Variants in MYO18B observed in about 807,000 individuals in gnomAD.
The protein encoded by MYO18B is myosin XVIIIB.
A neutral mutation model predicts 273.0 loss-of-function variants in MYO18B; 204 were observed. That is an observed-to-expected ratio of 0.75 (90% confidence interval 0.67 to 0.84). The LOEUF (loss-of-function observed/expected upper bound fraction) is 0.84, where lower values mean the gene tolerates loss of function less well. Among genes scored for constraint, MYO18B ranks in the 40% least tolerant of loss-of-function variants. The pLI is 0.00. For missense variants in MYO18B, 3,212 were observed against 3,287.6 expected, an observed-to-expected ratio of 0.98 and a Z score of 0.56; for synonymous variants, 1,330 against 1,305.7, an observed-to-expected ratio of 1.02 and a Z score of -0.40.
At chr22:26,061,045 A>T in the MYO18B span, among the ~76,000 whole-genome samples, 1 of 152,062 alleles carries the variant, frequency 6.6e-6, no homozygotes, top group African/African-American at 2.4e-5. Context: ...CAGCATCTCC[A>T]GTGGCAACTG....
intron 33 of MYO18B, 128 bp from the exon 34 acceptor site, chr22:25,921,129 G>A (rs111667268): frequency 3.7e-5 from 34 of 925,752 alleles, no homozygotes; most frequent in African/African-American, 2.7e-4. Flanking sequence ...GAGGAGAATG[G>A]TCTTGTCCAA....
rs568769588 is a variant in MYO18B at position 26,022,033 on chromosome 22, T to C, written c.6471-4412T>C. ...GAAGGATATTCCTTTTTGGACAGAC[T>C]ACAGGGTGGGCAGAAGAAGTCTCCA... On this transcript the variant is annotated intron_variant, in intron 42 of 43. Coordinates refer to ENST00000335473, the MANE Select transcript of MYO18B (RefSeq NM_032608.7). 2.6e-5 allele frequency among the ~76,000 whole-genome samples: 4 copies of C among 152,134 alleles called. 1 individual carries two copies. The highest frequency in any genetic ancestry group is 1.3e-4 in the Admixed American group (2 of 15,268).
chr22:25,991,299 A>G (rs1384494225), intron 39 of MYO18B, among the ~76,000 whole-genome samples: 1 of 152,178 alleles, frequency 6.6e-6, no homozygotes, highest in Non-Finnish European at 1.5e-5. Flanking sequence ...GGTCTCACCC[A>G]GGGTTTCAGA....
intron 1 of MYO18B, among the ~76,000 whole-genome samples, chr22:25,748,901 C>T (rs1191873745): frequency 2.6e-5 from 4 of 152,216 alleles, no homozygotes; most frequent in African/African-American, 9.6e-5. Flanking sequence ...GCTCTTTGGC[C>T]ATCAAACTCC....
chr22:26,002,747 G>GT (rs1002123267), intron 40 of MYO18B, among the ~76,000 whole-genome samples: 1 of 152,036 alleles, frequency 6.6e-6, no homozygotes, highest in African/African-American at 2.4e-5. Context: ...GACACATGGG[G>GT]TAGGTAGATG....
chr22:25,797,163 G>T (rs2087953851), intron 11 of MYO18B, among the ~76,000 whole-genome samples: 1 of 152,224 alleles, frequency 6.6e-6, no homozygotes, highest in Non-Finnish European at 1.5e-5. Flanking sequence ...GGGGCGCGGA[G>T]GTTGCAGTGA....
chr22:25,994,089 G>T (rs1932975388), intron 40 of MYO18B, among the ~76,000 whole-genome samples: 1 of 152,176 alleles, frequency 6.6e-6, no homozygotes, highest in Non-Finnish European at 1.5e-5. Flanking sequence ...GGTCATAGCT[G>T]CTGAGGGATT....
chr22:25,771,161 A>C (rs2086706333), intron 6 of MYO18B, among the ~76,000 whole-genome samples, 177 bp downstream of exon 6: 2 of 152,206 alleles, frequency 1.3e-5, no homozygotes. Flanking sequence ...TCATTGCTCT[A>C]CTGGAGGGGT....
chr22:25,799,131 T>TTGTGTGTGTG (rs61488241), intron 12 of MYO18B, among the ~76,000 whole-genome samples: 41,278 of 144,968 alleles, frequency 0.28, 6,165 homozygotes, highest in East Asian at 0.52. Context: ...GTGTTTACGT[T>TTGTGTGTGTG]TGTGTGTGTG....
chr22:25,872,012 G>A (rs1315520492), intron 22 of MYO18B, among the ~76,000 whole-genome samples: 1 of 151,844 alleles, frequency 6.6e-6, no homozygotes, highest in Non-Finnish European at 1.5e-5. Context: ...GGACTCACTA[G>A]CTTGTGAAAT....
the MYO18B span, among the ~76,000 whole-genome samples, chr22:26,046,890 G>A: frequency 5.9e-5 from 9 of 152,064 alleles, no homozygotes; most frequent in East Asian, 1.9e-4. Context: ...CACCTTACGC[G>A]CATGGCTGGT....
intron 34 of MYO18B, among the ~76,000 whole-genome samples, chr22:25,940,134 A>G (rs1448845882): frequency 6.6e-6 from 1 of 152,190 alleles, no homozygotes; most frequent in East Asian, 1.9e-4. Flanking sequence ...GGATGATGAT[A>G]TGGTTTGGCT....
intron 33 of MYO18B, among the ~76,000 whole-genome samples, chr22:25,917,545 G>GTGT (rs1555944184): frequency 1.4e-5 from 2 of 142,150 alleles, no homozygotes; most frequent in African/African-American, 5.2e-5. Context: ...GCTTTGTAGG[G>GTGT]GTGTGTGTGT....
chr22:25,910,593 A>G (rs1051363305), intron 32 of MYO18B, among the ~76,000 whole-genome samples: 6 of 152,236 alleles, frequency 3.9e-5, no homozygotes, highest in African/African-American at 1.4e-4. Flanking sequence ...TGTTGGTTAT[A>G]ATATTGTTCA....
chr22:25,962,313 G>A (rs1464914252), intron 39 of MYO18B, among the ~76,000 whole-genome samples: 6 of 152,118 alleles, frequency 3.9e-5, no homozygotes, highest in South Asian at 2.1e-4. Flanking sequence ...TGTAAATGCC[G>A]ATGTTCTTGT....
At position 25,893,903 on chromosome 22, in the gene MYO18B, G is replaced by A. The variant is rs141583415; in HGVS notation, c.4544-1253G>A. 2.4e-3 allele frequency among the ~76,000 whole-genome samples: 368 copies of A among 150,892 alleles called. 4 individuals are homozygous for A. The highest frequency in any genetic ancestry group is 8.3e-3 in the African/African-American group (341 of 40,996). On this transcript the variant is annotated intron_variant, in intron 27 of 43. Coordinates refer to ENST00000335473, the MANE Select transcript of MYO18B (RefSeq NM_032608.7). ...TCAATCCATGCATTCATCCACCCAT[G>A]CACCCACTTCTCTGTCTACACTAAC...
intron 21 of MYO18B, among the ~76,000 whole-genome samples, chr22:25,864,871 T>C (rs896503291): frequency 6.6e-6 from 1 of 152,236 alleles, no homozygotes; most frequent in Non-Finnish European, 1.5e-5. Context: ...AAGTTTCAAT[T>C]ACCTGGGCAA....
intron 30 of MYO18B, 121 bp downstream of exon 30, chr22:25,902,857 C>A: frequency 1.8e-6 from 2 of 1,125,470 alleles, no homozygotes; most frequent in Non-Finnish European, 2.5e-6. Context: ...CCTGGTCTGT[C>A]AAGCAGCTGA....
At chr22:25,905,735 A>T (rs2092030284) in intron 31 of MYO18B, among the ~76,000 whole-genome samples, 1 of 152,174 alleles carries the variant, frequency 6.6e-6, no homozygotes, top group South Asian at 2.1e-4. Flanking sequence ...TCCAGACATC[A>T]GTCTCCTTAT....
Sources: allele counts gnomAD v4.1 joint callset (sites outside exome capture counted in the v4.1 genomes callset), GRCh38; gene constraint gnomAD v4.1.1; transcripts MANE v1.5; gene names NCBI Gene and HGNC (gene_info 2026-07-23, HGNC 2026-07-21).